TAB2: variants seen among roughly 807,000 people sequenced by gnomAD.
The protein encoded by TAB2 is TGF-beta-activated kinase 1 and MAP3K7-binding protein 2.
Under a neutral mutation model 65.0 loss-of-function variants are expected in TAB2, and 3 were observed. The ratio of observed to expected loss-of-function variants is 0.05; its 90% CI spans 0.02 to 0.12. The LOEUF (loss-of-function observed/expected upper bound fraction) is 0.12, where lower values mean the gene tolerates loss of function less well. TAB2 is among the 10% of genes least tolerant of loss of function. The probability of loss-of-function intolerance (pLI) is 1.00; values close to 1 mark genes in which losing one functional copy is unlikely to be tolerated. For synonymous variants in TAB2, 298 were observed against 285.1 expected, an observed-to-expected ratio of 1.05 and a Z score of -0.46; for missense variants, 623 against 840.3, an observed-to-expected ratio of 0.74 and a Z score of 3.20.
chr6:149,334,767 A>T (rs940337050), intron 1 of TAB2, among the ~76,000 whole-genome samples: 4 of 152,166 alleles, frequency 2.6e-5, no homozygotes, highest in Non-Finnish European at 5.9e-5. Flanking sequence ...CACATACTTG[A>T]ACAAGGACAT....
At chr6:149,245,658 T>C (rs1039329175) in intron 1 of TAB2, 2 of 151,936 alleles carry the variant, frequency 1.3e-5, no homozygotes, top group Non-Finnish European at 2.9e-5. Context: ...AAAATTAGGG[T>C]GTTTTGCTGT....
upstream of TAB2, among the ~76,000 whole-genome samples, chr6:149,316,970 A>C (rs1213419859): frequency 2.0e-5 from 3 of 151,224 alleles, no homozygotes; most frequent in Non-Finnish European, 3.0e-5. Context: ...TGTGTCCCGG[A>C]CCGCAGCGAC....
intron 1 of TAB2, among the ~76,000 whole-genome samples, chr6:149,219,221 G>A (rs1777087854): frequency 6.6e-6 from 1 of 152,058 alleles, no homozygotes; most frequent in African/African-American, 2.4e-5. Flanking sequence ...TGTTCTCAAT[G>A]AGGCAAGGCC....
intron 2 of TAB2, among the ~76,000 whole-genome samples, chr6:149,373,026 G>A (rs1781281563): frequency 6.6e-6 from 1 of 152,092 alleles, no homozygotes; most frequent in Non-Finnish European, 1.5e-5. Flanking sequence ...TGCTTGTCAG[G>A]GAGAGAACAA....
rs1411590777 is a variant in TAB2, at chr6:149,410,247, A to C, written c.*528A>C. On this transcript the variant is annotated 3_prime_UTR_variant, in exon 7 of 7. Coordinates refer to ENST00000637181, the MANE Select transcript of TAB2 (RefSeq NM_001292034.3). Reference sequence around the variant, plus strand: ...TTGGCCTTGTCTTTGTCTTCCCTGAACGTGTCTCCACTCTGTGAAGCCAGC... The same window carrying C: ...TTGGCCTTGTCTTTGTCTTCCCTGACCGTGTCTCCACTCTGTGAAGCCAGC... The C allele has an allele frequency of 5.9e-6, 1 of 168,740 alleles. No homozygotes were observed. Among genetic ancestry groups the C allele is most frequent in the Non-Finnish European group, 1.3e-5 (1 of 77,708 alleles). 10.5% of individuals were successfully genotyped at this position (168,740 alleles called of 1,614,324 possible). A position where few individuals can be genotyped will look rare whatever the true frequency, so the allele number is the denominator to read the frequency against.
At chr6:149,363,306 T>G (rs1317604800) in intron 1 of TAB2, among the ~76,000 whole-genome samples, 1 of 152,110 alleles carries the variant, frequency 6.6e-6, no homozygotes, top group Non-Finnish European at 1.5e-5. Flanking sequence ...TTCGCCCCTA[T>G]GATTCATTCA....
chr6:149,253,808 G>A (rs561403173), intron 1 of TAB2, among the ~76,000 whole-genome samples: 1 of 149,836 alleles, frequency 6.7e-6, no homozygotes, highest in East Asian at 2.0e-4. Context: ...TGTAATCCTA[G>A]CCACTCAGGA....
chr6:149,281,115 C>T (rs1055026724), intron 1 of TAB2, among the ~76,000 whole-genome samples: 2 of 150,400 alleles, frequency 1.3e-5, no homozygotes, highest in Non-Finnish European at 2.9e-5. Flanking sequence ...TTTTCCTATT[C>T]TTATTAAATA....
intron 1 of TAB2, among the ~76,000 whole-genome samples, chr6:149,248,872 G>C (rs577227005): frequency 6.6e-6 from 1 of 151,772 alleles, no homozygotes; most frequent in African/African-American, 2.4e-5. Context: ...CCCCACCCCC[G>C]GCCACAGTCA....
intron 1 of TAB2, among the ~76,000 whole-genome samples, chr6:149,346,254 G>A (rs1026403219): frequency 2.6e-5 from 4 of 151,920 alleles, no homozygotes; most frequent in Non-Finnish European, 4.4e-5. Context: ...TTGTGCACAC[G>A]CCCACGCATG....
intron 3 of TAB2, among the ~76,000 whole-genome samples, chr6:149,385,536 C>CA (rs1781763475): frequency 6.6e-6 from 1 of 152,202 alleles, no homozygotes; most frequent in Non-Finnish European, 1.5e-5. Flanking sequence ...GATTAGTTGA[C>CA]ATTGGACCAC....
intron 6 of TAB2, among the ~76,000 whole-genome samples, chr6:149,401,808 AC>A (rs1782425200): frequency 6.6e-6 from 1 of 152,162 alleles, no homozygotes; most frequent in South Asian, 2.1e-4. Context: ...GAAATCAGTA[AC>A]AGCAAGAAAA....
At chr6:149,369,420 T>A (rs1781145763) in intron 1 of TAB2, among the ~76,000 whole-genome samples, 1 of 152,222 alleles carries the variant, frequency 6.6e-6, no homozygotes. Flanking sequence ...GAATTGATTG[T>A]GCATTTAAGG....
At chr6:149,333,741 G>GTGTGTGTGTGTGTGTC (rs1340808753) in intron 1 of TAB2, among the ~76,000 whole-genome samples, 2 of 150,896 alleles carry the variant, frequency 1.3e-5, no homozygotes, top group East Asian at 3.9e-4. Context: ...GTGTGTGTGT[G>GTGTGTGTGTGTGTGTC]TGTGTCTATG....
chr6:149,233,160 G>A (rs972490608), intron 1 of TAB2, among the ~76,000 whole-genome samples: 2 of 152,148 alleles, frequency 1.3e-5, no homozygotes, highest in Non-Finnish European at 2.9e-5. Flanking sequence ...AATAACCAAG[G>A]AAGTCATGAA....
rs1782795171 is a variant in TAB2, at chr6:149,410,006, T to C, written c.*287T>C. On this transcript the variant is annotated 3_prime_UTR_variant, in exon 7 of 7. Transcript: ENST00000637181. Reference sequence around the variant, plus strand: ...GTCCCATTATGGATAATTCTCAATATGTTAACACCTAGGTGTTCCCAATAC... The same window carrying C: ...GTCCCATTATGGATAATTCTCAATACGTTAACACCTAGGTGTTCCCAATAC... The C allele has an allele frequency of 2.2e-6, 1 of 463,974 alleles. No homozygotes were observed. Among genetic ancestry groups the C allele is most frequent in the African/African-American group, 2.0e-5 (1 of 50,994 alleles). 28.7% of individuals were successfully genotyped at this position (463,974 alleles called of 1,614,324 possible).
At chr6:149,320,265 T>G (rs1198787085) in intron 1 of TAB2, among the ~76,000 whole-genome samples, 1 of 152,074 alleles carries the variant, frequency 6.6e-6, no homozygotes, top group Non-Finnish European at 1.5e-5. Flanking sequence ...TTAGTAGAGA[T>G]GGAGTTTCAC....
intron 1 of TAB2, among the ~76,000 whole-genome samples, chr6:149,329,739 T>G (rs1470024000): frequency 1.3e-5 from 2 of 152,090 alleles, no homozygotes; most frequent in African/African-American, 2.4e-5. Context: ...GTAGGGTGTT[T>G]AGACTGTGAT....
chr6:149,234,864 G>GAAA lies in TAB2; in HGVS notation c.-121+16103_-121+16105dup, dbSNP rs386408903. 1.3e-3 allele frequency among the ~76,000 whole-genome samples: 126 copies of GAAA among 95,460 alleles called. 2 individuals are homozygous for GAAA. Among genetic ancestry groups the GAAA allele is most frequent in the African/African-American group, 4.6e-3 (120 of 26,004 alleles). The allele number at this position is 95,460 out of a possible 152,430, so 62.6% of individuals were successfully genotyped here. On this transcript the variant is annotated intron_variant, in intron 1 of 1. Coordinates refer to the TAB2 transcript ENST00000606202. ...TGAGACGACTAAGATTAGAGAGTGT[G>GAAA]AAAAAAAAAAAAAAAAACACACTCT...
Sources: gnomAD v4.1 joint callset for allele counts (sites outside exome capture counted in the v4.1 genomes callset) on GRCh38, gnomAD v4.1.1 for gene constraint, MANE v1.5 for transcripts, NCBI Gene and HGNC (gene_info 2026-07-23, HGNC 2026-07-21) for gene names.